The following RWDD4 variants were observed in gnomAD, a reference collection of about 807,000 sequenced individuals.
The protein encoded by RWDD4 is RWD domain-containing protein 4.
Under a neutral mutation model 30.0 loss-of-function variants are expected in RWDD4, and 16 were observed. That is an observed-to-expected ratio of 0.53 (90% CI 0.36 to 0.81). The LOEUF is 0.81. Ranked by LOEUF, RWDD4 falls within the 30% of genes least tolerant of loss-of-function variation. RWDD4 has a pLI of 0.00. For missense variants in RWDD4, 170 were observed against 223.9 expected (o/e 0.76, Z 1.54); for synonymous variants, 45 against 72.1 (o/e 0.62, Z 1.90).
chr4:183,648,068 C>T (rs567234274), intron 5 of RWDD4, among the ~76,000 whole-genome samples: 69 of 152,146 alleles, frequency 4.5e-4, no homozygotes, highest in African/African-American at 1.7e-3. Context: ...TATGGTGAAA[C>T]CCTGTCTCTA....
At chr4:183,642,291 G>A (rs1295120083) in intron 7 of RWDD4, among the ~76,000 whole-genome samples, 3 of 122,012 alleles carry the variant, frequency 2.5e-5, no homozygotes, top group African/African-American at 3.9e-5. Context: ...CCGGGTTCAC[G>A]CCATTCTCCT....
chr4:183,658,391 A>G (rs900931032), intron 1 of RWDD4, among the ~76,000 whole-genome samples: 16 of 152,208 alleles, frequency 1.1e-4, no homozygotes, highest in African/African-American at 3.9e-4. Flanking sequence ...CTCACAAGGA[A>G]ATATTTGAGC....
chr4:183,649,623 T>A (rs1734036601), intron 4 of RWDD4, 55 bp from the exon 5 acceptor site: 2 of 872,830 alleles, frequency 2.3e-6, no homozygotes, highest in East Asian at 2.5e-5. Context: ...TGTGTTACAC[T>A]AAATACAGCT....
chr4:183,651,805 A>G (rs1734082043), intron 2 of RWDD4, among the ~76,000 whole-genome samples: 1 of 152,228 alleles, frequency 6.6e-6, no homozygotes, highest in African/African-American at 2.4e-5. Context: ...AAAAAAGGAA[A>G]AGGCAAAGGA....
At chr4:183,648,779 T>C (rs1478412821) in intron 5 of RWDD4, among the ~76,000 whole-genome samples, 1 of 152,216 alleles carries the variant, frequency 6.6e-6, no homozygotes, top group Non-Finnish European at 1.5e-5. Flanking sequence ...TATAGTTACT[T>C]TGCCACTCGG....
rs1274045489 is a variant in RWDD4 at position 183,651,221 on chromosome 4, GTGT to G, written c.209_211del (p.Asn70del). On this transcript the variant is annotated inframe_deletion, in exon 3 of 8. Coordinates refer to ENST00000326397, the MANE Select transcript of RWDD4 (RefSeq NM_152682.4). ...GTAAAAACAAGACACTACTCACATG[GTGT>G]TGTTAAAAAAAGCGTTCATAGATAG... is the stretch of plus-strand genomic sequence containing the variant. The G allele has an allele frequency of 1.2e-6, 2 of 1,613,448 alleles. No individual in the cohort carries two copies. Among genetic ancestry groups the G allele is most frequent in the Admixed American group, 1.7e-5 (1 of 60,002 alleles).
rs191273348 is a variant in RWDD4, at chr4:183,655,445, C to T, written c.105+436G>A. On this transcript the variant is annotated intron_variant, in intron 2 of 7. Coordinates refer to ENST00000326397, the MANE Select transcript of RWDD4 (RefSeq NM_152682.4). ...TACAGGCGCCCGCCACCATGCCCGG[C>T]TAATTTTTTGTATTTTTAGTAGAGA... Among the ~76,000 whole-genome samples, 882 of 151,884 alleles carry T rather than the reference C, an allele frequency of 5.8e-3. 11 individuals carry two copies. The highest frequency in any genetic ancestry group is 0.02 in the African/African-American group (845 of 41,412).
At chr4:183,654,810 A>G (rs1734151682) in intron 2 of RWDD4, among the ~76,000 whole-genome samples, 1 of 152,040 alleles carries the variant, frequency 6.6e-6, no homozygotes, top group Admixed American at 6.5e-5. Context: ...ACAGAAACTT[A>G]TTTTCTGTGA....
intron 2 of RWDD4, chr4:183,653,761 T>C (rs2111248220): frequency 6.6e-6 from 1 of 152,346 alleles, no homozygotes; most frequent in East Asian, 1.9e-4. Flanking sequence ...ACCTGCTTGA[T>C]GCAATCACTA....
rs1033029605 is a variant in RWDD4, at chr4:183,639,716, T to C, written c.*1720A>G. 5 of 152,642 alleles carry C rather than the reference T, an allele frequency of 3.3e-5. No individual in the cohort carries two copies. Among genetic ancestry groups the C allele is most frequent in the Admixed American group, 6.5e-5 (1 of 15,274 alleles). The allele number at this position is 152,642 out of a possible 1,614,324, so 9.5% of individuals were successfully genotyped here. A position where few individuals can be genotyped will look rare whatever the true frequency, so the allele number is the denominator to read the frequency against. On this transcript the variant is annotated 3_prime_UTR_variant, in exon 8 of 8. Coordinates refer to ENST00000326397, the MANE Select transcript of RWDD4 (RefSeq NM_152682.4). ...TAAGTAAACAGACATTGAGAAAATATACTGGGAGTGTTAAACAGATGACGG... is the reference window on the plus strand; with the variant it reads ...TAAGTAAACAGACATTGAGAAAATACACTGGGAGTGTTAAACAGATGACGG...
intron 7 of RWDD4, among the ~76,000 whole-genome samples, chr4:183,641,773 TA>T (rs1733860869): frequency 6.6e-6 from 1 of 152,192 alleles, no homozygotes; most frequent in Admixed American, 6.6e-5. Flanking sequence ...GTACCATCTA[TA>T]AAATGAATGA....
intron 7 of RWDD4, among the ~76,000 whole-genome samples, chr4:183,645,893 ATCTTT>A (rs1357081668): frequency 6.6e-5 from 10 of 152,046 alleles, no homozygotes; most frequent in African/African-American, 2.2e-4. Flanking sequence ...AATCTGCGTT[ATCTTT>A]TCTTTTCTTT....
At chr4:183,654,454 A>C (rs1482024009) in intron 2 of RWDD4, among the ~76,000 whole-genome samples, 1 of 152,190 alleles carries the variant, frequency 6.6e-6, no homozygotes, top group Non-Finnish European at 1.5e-5. Flanking sequence ...CCACAGGAAG[A>C]ACTTTACCCC....
intron 1 of RWDD4, among the ~76,000 whole-genome samples, chr4:183,657,011 G>A (rs934665649): frequency 6.6e-6 from 1 of 151,368 alleles, no homozygotes; most frequent in Non-Finnish European, 1.5e-5. Flanking sequence ...GGGCTACAGA[G>A]CGAGGCTCCG....
intron 2 of RWDD4, among the ~76,000 whole-genome samples, chr4:183,654,953 GT>G (rs1185958781): frequency 1.7e-4 from 24 of 145,256 alleles, no homozygotes; most frequent in South Asian, 2.2e-4. Context: ...TGTTTTTTTT[GT>G]TTTTTTTTTT....
At chr4:183,649,286 C>T (rs774984587) in intron 5 of RWDD4, among the ~76,000 whole-genome samples, 165 bp downstream of exon 5, 11 of 151,980 alleles carry the variant, frequency 7.2e-5, no homozygotes, top group Admixed American at 5.2e-4. Context: ...TGGTGGCATG[C>T]GCCTATAATC....
In RWDD4 at chr4:183,659,110, G is replaced by C. The variant is rs1005666969; in HGVS notation, c.-158C>G. 2.0e-6 allele frequency: 1 copy of C among 512,156 alleles called. No individual in the cohort carries two copies. Among genetic ancestry groups the C allele is most frequent in the Non-Finnish European group, 3.0e-6 (1 of 331,622 alleles). The allele number at this position is 512,156 out of a possible 1,614,324, so 31.7% of individuals were successfully genotyped here. On this transcript the variant is annotated 5_prime_UTR_variant, in exon 1 of 8. Transcript: ENST00000326397. ...CAGACGCCAACTGCGCGCGCCCCGAGCCTCGGCAGCGCCCAGCCGCCGGCA... is the reference window on the plus strand; with the variant it reads ...CAGACGCCAACTGCGCGCGCCCCGACCCTCGGCAGCGCCCAGCCGCCGGCA...
chr4:183,658,113 T>A (rs1452289713), intron 1 of RWDD4, among the ~76,000 whole-genome samples: 1 of 152,230 alleles, frequency 6.6e-6, no homozygotes, highest in Non-Finnish European at 1.5e-5. Context: ...GGACTTTGGG[T>A]CCTTTAAAGG....
At chr4:183,650,059 A>C (rs1734046060) in intron 4 of RWDD4, among the ~76,000 whole-genome samples, 1 of 152,232 alleles carries the variant, frequency 6.6e-6, no homozygotes. Context: ...TGATAGCTAA[A>C]ATGTAAAATG....
Sources: allele counts gnomAD v4.1 joint callset (sites outside exome capture counted in the v4.1 genomes callset), GRCh38; gene constraint gnomAD v4.1.1; transcripts MANE v1.5; gene names NCBI Gene and HGNC (gene_info 2026-07-23, HGNC 2026-07-21).